Variants in LRRD1 observed in about 807,000 individuals in gnomAD.
LRRD1 encodes leucine-rich repeat and death domain-containing protein 1.
LRRD1 carries 49 observed loss-of-function variants against 69.5 expected under a neutral mutation model. The ratio of observed to expected loss-of-function variants is 0.70; its 90% CI spans 0.56 to 0.89. The LOEUF (loss-of-function observed/expected upper bound fraction) is 0.89, where lower values mean the gene tolerates loss of function less well. Among genes scored for constraint, LRRD1 ranks in the 40% least tolerant of loss-of-function variants. The probability of loss-of-function intolerance (pLI) is 0.00; values close to 1 mark genes in which losing one functional copy is unlikely to be tolerated. For missense variants in LRRD1, 853 were observed against 956.0 expected, an observed-to-expected ratio of 0.89 and a Z score of 1.42; for synonymous variants, 303 against 338.9, an observed-to-expected ratio of 0.89 and a Z score of 1.16.
chr7:92,147,820 C>T (rs547778456), intron 4 of LRRD1, among the ~76,000 whole-genome samples: 1 of 152,226 alleles, frequency 6.6e-6, no homozygotes, highest in South Asian at 2.1e-4. Context: ...CAGCCTCGAC[C>T]TCCCAGGCTC....
chr7:92,164,291 CT>C lies in LRRD1; in HGVS notation c.911del (p.Lys304SerfsTer2), dbSNP rs1788854555. The stretch of plus-strand genomic sequence containing the variant: ...TTCCAGTAAGGTCTAGTGAAATTAA[CT>C]TTGGAAGGAAGCAGAGAGCTTTAGG... Reference protein sequence around the residue: ...TFPKALCFLPKLISLDLTGNL... With the variant: ...TFPKALCFLPXLISLDLTGNL... On this transcript the variant is annotated frameshift_variant, in exon 2 of 6. Coordinates refer to ENST00000458448, the MANE Select transcript of LRRD1 (RefSeq NM_001161528.2). LOFTEE classifies it high-confidence loss of function. 1.9e-6 allele frequency: 3 copies of C among 1,550,948 alleles called. No homozygotes were observed. In the East Asian group the frequency reaches 7.4e-5, roughly 38 times the overall value.
downstream of LRRD1, among the ~76,000 whole-genome samples, chr7:92,144,070 CAGACA>C (rs904931225): frequency 4.1e-4 from 63 of 152,248 alleles, no homozygotes; most frequent in African/African-American, 1.5e-3. Context: ...GCTCACATGA[CAGACA>C]AGACAACAGA....
At chr7:92,166,604 A>C (rs1788917224) in intron 1 of LRRD1, among the ~76,000 whole-genome samples, 1 of 152,242 alleles carries the variant, frequency 6.6e-6, no homozygotes, top group Admixed American at 6.5e-5. Flanking sequence ...AGTCAGTTGC[A>C]TTTGTCCCAG....
At chr7:92,177,552 GCAGATGACTCATGAGCTCAGCTCCT>G (rs1338586824) in intron 1 of LRRD1, among the ~76,000 whole-genome samples, 1 of 151,566 alleles carries the variant, frequency 6.6e-6, no homozygotes, top group Admixed American at 6.6e-5. Flanking sequence ...GAGAAGACAG[GCAGATGACTCATGAGCTCAGCTCCT>G]TCTGGGCTCT....
At chr7:92,154,539 C>G (rs993320102) in intron 3 of LRRD1, among the ~76,000 whole-genome samples, 1 of 152,098 alleles carries the variant, frequency 6.6e-6, no homozygotes. Context: ...GCCATGACAC[C>G]CAGCCTTTTA....
At chr7:92,157,500 C>T (rs1057065191) in intron 3 of LRRD1, among the ~76,000 whole-genome samples, 5 of 152,018 alleles carry the variant, frequency 3.3e-5, no homozygotes, top group African/African-American at 1.2e-4. Flanking sequence ...GTTGTATCCT[C>T]AATTTTATGA....
At chr7:92,156,860 G>A (rs1194146798) in intron 3 of LRRD1, among the ~76,000 whole-genome samples, 1 of 152,114 alleles carries the variant, frequency 6.6e-6, no homozygotes, top group Non-Finnish European at 1.5e-5. Context: ...GATCATAGTG[G>A]AAAATAAATC....
At chr7:92,147,569 C>G (rs377215383) in intron 4 of LRRD1, among the ~76,000 whole-genome samples, 1 of 152,116 alleles carries the variant, frequency 6.6e-6, no homozygotes, top group African/African-American at 2.4e-5. Flanking sequence ...ACTTGAGAAA[C>G]TAAGTTCACA....
Position 92,163,436 on chromosome 7 carries a change from G to A in LRRD1, c.1767C>T (p.Asn589=), listed in dbSNP as rs1286614421. ...ENLQVLDLSE[N]QLQKISSDIC... ...TGTCTGAAGAGATTTTCTGTAATTG[G>A]TTTTCCGAAAGATCAAGTACTTGCA... The change falls in exon 2 of 6, where the codon AAC becomes AAT. Residue 589 remains asparagine (N), a synonymous_variant. Coordinates refer to ENST00000458448, the MANE Select transcript of LRRD1 (RefSeq NM_001161528.2). 1.9e-5 allele frequency: 29 copies of A among 1,545,286 alleles called. No homozygotes were observed. The highest frequency in any genetic ancestry group is 2.0e-5 in the Non-Finnish European group (23 of 1,145,194).
At chr7:92,151,152 T>A (rs1214633994) in intron 3 of LRRD1, among the ~76,000 whole-genome samples, 1 of 152,226 alleles carries the variant, frequency 6.6e-6, no homozygotes, top group East Asian at 1.9e-4. Flanking sequence ...ACACTTCAGA[T>A]TTTTTTGGAT....
At chr7:92,173,560 C>A (rs531509418) in intron 1 of LRRD1, among the ~76,000 whole-genome samples, 1 of 152,142 alleles carries the variant, frequency 6.6e-6, no homozygotes, top group East Asian at 1.9e-4. Flanking sequence ...CATAAAATGG[C>A]CAAGAGGTAT....
chr7:92,169,548 G>A (rs994553714), intron 1 of LRRD1, among the ~76,000 whole-genome samples: 1 of 151,944 alleles, frequency 6.6e-6, no homozygotes, highest in African/African-American at 2.4e-5. Flanking sequence ...CTACTTGGGA[G>A]GCTGAGGCAG....
chr7:92,160,280 A>G (rs541176060), intron 2 of LRRD1, among the ~76,000 whole-genome samples: 4 of 152,340 alleles, frequency 2.6e-5, no homozygotes, highest in South Asian at 4.1e-4. Context: ...ATGTTGTGCT[A>G]TATGTTCTTC....
intron 3 of LRRD1, among the ~76,000 whole-genome samples, chr7:92,152,132 C>T: frequency 1.1e-5 from 1 of 91,346 alleles, no homozygotes. Context: ...GGATACGATG[C>T]TTCTGGGAGT....
intron 3 of LRRD1, among the ~76,000 whole-genome samples, chr7:92,157,333 G>A (rs921940707): frequency 6.6e-6 from 1 of 151,980 alleles, no homozygotes; most frequent in African/African-American, 2.4e-5. Context: ...GTCACAATAT[G>A]ATATCATTTT....
Position 92,164,678 on chromosome 7 carries a change from T to C in LRRD1, c.525A>G (p.Gln175=). 1 of 1,551,416 alleles carries C rather than the reference T, an allele frequency of 6.4e-7. No homozygotes were observed. Among genetic ancestry groups the C allele is most frequent in the Non-Finnish European group, 8.7e-7 (1 of 1,146,776 alleles). The change falls in exon 2 of 6, where the codon CAA becomes CAG. Residue 175 remains glutamine, a synonymous_variant. Coordinates refer to ENST00000458448, the MANE Select transcript of LRRD1 (RefSeq NM_001161528.2). ...AGTCTGCCCCTTGAAATGTTTTGAT[T>C]TGATTCTTGTCTAAATATAGATATT... ...YVKYLYLDKN[Q]IKTFQGADSG...
In LRRD1 at chr7:92,163,728, AAAT is replaced by A; in HGVS notation, c.1472_1474del (p.Tyr491del). On this transcript the variant is annotated inframe_deletion, in exon 2 of 6. Transcript: ENST00000458448. ...TGAAATATAATTTCCATTAACACTC[AAAT>A]AATAAAGAGAATCTAAAGCACACAG... The A allele has an allele frequency of 6.6e-7, 1 of 1,509,234 alleles. No homozygotes were observed. Among genetic ancestry groups the A allele is most frequent in the Non-Finnish European group, 8.8e-7 (1 of 1,131,124 alleles). 93.5% of individuals were successfully genotyped at this position (1,509,234 alleles called of 1,614,324 possible).
At chr7:92,152,579 T>G (rs1820499838) in intron 3 of LRRD1, among the ~76,000 whole-genome samples, 1 of 152,194 alleles carries the variant, frequency 6.6e-6, no homozygotes, top group African/African-American at 2.4e-5. Context: ...TCTAAAGGGT[T>G]GTACCATTTT....
rs900756562 is a variant in LRRD1 at position 92,145,087 on chromosome 7, A to G, written c.2397-13T>C. 2.5e-6 allele frequency: 3 copies of G among 1,223,780 alleles called. No individual in the cohort carries two copies. In the African/African-American group the frequency reaches 4.6e-5, roughly 19 times the overall value. 75.8% of individuals were successfully genotyped at this position (1,223,780 alleles called of 1,614,324 possible). A position where few individuals can be genotyped will look rare whatever the true frequency, so the allele number is the denominator to read the frequency against. ...TAATGAAACAGTGCTGAAAAACATTATTAATAATATTAATAGTTAAATATT... is the reference window on the plus strand; with the variant it reads ...TAATGAAACAGTGCTGAAAAACATTGTTAATAATATTAATAGTTAAATATT... On this transcript the variant is annotated splice_polypyrimidine_tract_variant and intron_variant, in intron 5 of 5. Coordinates refer to ENST00000458448, the MANE Select transcript of LRRD1 (RefSeq NM_001161528.2).
Sources: allele counts gnomAD v4.1 joint callset (sites outside exome capture counted in the v4.1 genomes callset), GRCh38; gene constraint gnomAD v4.1.1; transcripts MANE v1.5; gene names NCBI Gene and HGNC (gene_info 2026-07-23, HGNC 2026-07-21).